The following ELMO1 variants were observed in gnomAD, a reference collection of about 807,000 sequenced individuals.
ELMO1 encodes the protein engulfment and cell motility 1.
A neutral mutation model predicts 98.9 loss-of-function variants in ELMO1; 26 were observed. That is an observed-to-expected ratio of 0.26 (90% CI 0.19 to 0.36). The LOEUF is 0.36. Among genes scored for constraint, ELMO1 ranks in the 10% least tolerant of loss-of-function variants. The pLI, the probability that ELMO1 is intolerant of heterozygous loss-of-function variation, is 1.00. For missense variants in ELMO1, 627 were observed against 935.2 expected (o/e 0.67, Z 4.30); for synonymous variants, 346 against 346.0 (o/e 1.00, Z 0.00).
intron 1 of ELMO1, among the ~76,000 whole-genome samples, chr7:37,433,624 C>A (rs1805023646): frequency 6.6e-6 from 1 of 152,144 alleles, no homozygotes. Context: ...CTTATGCTCA[C>A]TTGTAAGGGA....
intron 2 of ELMO1, among the ~76,000 whole-genome samples, chr7:37,328,981 G>C (rs1265864494): frequency 6.6e-6 from 1 of 152,116 alleles, no homozygotes; most frequent in Non-Finnish European, 1.5e-5. Context: ...CCTTCATATT[G>C]TTGTTTGTTT....
intron 1 of ELMO1, chr7:37,351,361 C>T (rs1048055353): frequency 4.6e-5 from 7 of 152,204 alleles, no homozygotes; most frequent in Non-Finnish European, 1.0e-4. Flanking sequence ...CGCCTGTAAT[C>T]CTAGCACTTT....
chr7:37,385,489 G>C (rs960503490), intron 1 of ELMO1, among the ~76,000 whole-genome samples: 1 of 152,202 alleles, frequency 6.6e-6, no homozygotes, highest in Admixed American at 6.5e-5. Flanking sequence ...CCTTAGAGAA[G>C]AGTGATTTGG....
intron 13 of ELMO1, among the ~76,000 whole-genome samples, chr7:37,196,337 C>G (rs536322603): frequency 6.9e-4 from 105 of 152,278 alleles, no homozygotes; most frequent in African/African-American, 2.4e-3. Flanking sequence ...TGAGCATTTG[C>G]GAAGGATTTA....
At chr7:37,251,506 G>C (rs1003267435) in intron 6 of ELMO1, among the ~76,000 whole-genome samples, 1 of 152,144 alleles carries the variant, frequency 6.6e-6, no homozygotes, top group African/African-American at 2.4e-5. Context: ...TAAAAGCCCA[G>C]CCTTGTTGTG....
At chr7:37,416,317 G>A (rs1372631186) in intron 1 of ELMO1, among the ~76,000 whole-genome samples, 2 of 152,144 alleles carry the variant, frequency 1.3e-5, no homozygotes, top group East Asian at 1.9e-4. Context: ...TTAACCGTAT[G>A]GAAAATTTTA....
intron 20 of ELMO1, among the ~76,000 whole-genome samples, chr7:36,866,862 G>GGAGGGCTTCTCTGGA (rs1351928762): frequency 6.6e-6 from 1 of 152,190 alleles, no homozygotes; most frequent in Non-Finnish European, 1.5e-5. Context: ...AAGTCCCAGA[G>GGAGGGCTTCTCTGGA]GTAGACAGGA....
chr7:37,029,582 C>T (rs755851431), intron 15 of ELMO1, among the ~76,000 whole-genome samples: 13 of 152,026 alleles, frequency 8.6e-5, no homozygotes, highest in Non-Finnish European at 1.6e-4. Flanking sequence ...AGGGTGTGCT[C>T]TCAGAATGTA....
chr7:36,884,364 T>C (rs530914924), intron 18 of ELMO1, among the ~76,000 whole-genome samples: 4 of 151,810 alleles, frequency 2.6e-5, no homozygotes, highest in Admixed American at 2.0e-4. Flanking sequence ...CTAAAATTAA[T>C]AGCAAACATC....
At chr7:36,882,097 G>A (rs2129047451) in intron 18 of ELMO1, among the ~76,000 whole-genome samples, 1 of 152,324 alleles carries the variant, frequency 6.6e-6, no homozygotes, top group Middle Eastern at 3.4e-3. Context: ...CAAACCCCGA[G>A]ACTGCCATGG....
chr7:36,906,136 G>A (rs1431106215), intron 16 of ELMO1, among the ~76,000 whole-genome samples: 1 of 152,200 alleles, frequency 6.6e-6, no homozygotes, highest in Non-Finnish European at 1.5e-5. Flanking sequence ...GAACTCAGAG[G>A]AAATCGAAGA....
At chr7:37,373,589 AT>A (rs1370062146) in intron 1 of ELMO1, among the ~76,000 whole-genome samples, 1 of 151,370 alleles carries the variant, frequency 6.6e-6, no homozygotes, top group Admixed American at 6.6e-5. Context: ...AGCCTGGATG[AT>A]AGAGCAAGAC....
intron 1 of ELMO1, among the ~76,000 whole-genome samples, chr7:37,421,669 T>C (rs1478736371): frequency 1.3e-5 from 2 of 152,210 alleles, no homozygotes; most frequent in African/African-American, 2.4e-5. Flanking sequence ...GGGCTGAATA[T>C]GCAGCACATG....
Position 36,887,582 on chromosome 7 carries a change from T to C in ELMO1, c.1692A>G (p.Lys564=). Residue 564 remains lysine (K), a synonymous_variant, in exon 18 of 22, where the codon AAA becomes AAG. Coordinates refer to ENST00000310758, the MANE Select transcript of ELMO1 (RefSeq NM_014800.11). ...NRLVEGTCFR[K]LNARRRQDKF... ...TACCTTGCCTCCGCCGGGCATTGAG[T>C]TTCCTAAAGCAGGTCCCTTCCACAA... The C allele has an allele frequency of 1.7e-5, 27 of 1,613,930 alleles. No individual in the cohort carries two copies. Among genetic ancestry groups the C allele is most frequent in the African/African-American group, 2.7e-5 (2 of 74,984 alleles).
chr7:37,101,361 G>A (rs1273202141), intron 14 of ELMO1, among the ~76,000 whole-genome samples: 4 of 152,152 alleles, frequency 2.6e-5, no homozygotes, highest in African/African-American at 4.8e-5. Context: ...ACAGAGAAAC[G>A]CCACACTTTG....
chr7:37,262,906 G>A (rs1205916733), intron 5 of ELMO1, among the ~76,000 whole-genome samples: 1 of 152,254 alleles, frequency 6.6e-6, no homozygotes, highest in East Asian at 1.9e-4. Flanking sequence ...CATGTTTAAG[G>A]TTCCCTTCCA....
chr7:37,031,859 T>C (rs892066205), intron 15 of ELMO1, among the ~76,000 whole-genome samples: 6 of 152,200 alleles, frequency 3.9e-5, no homozygotes, highest in East Asian at 1.9e-4. Flanking sequence ...ATATTCTTGA[T>C]AGTGACAGTT....
intron 1 of ELMO1, among the ~76,000 whole-genome samples, chr7:37,432,857 G>A (rs146657803): frequency 7.2e-5 from 11 of 152,356 alleles, no homozygotes; most frequent in Admixed American, 4.6e-4. Context: ...GTCTTCAAAT[G>A]TCTATGCCCT....
At chr7:37,434,085 A>G (rs982718519) in intron 1 of ELMO1, among the ~76,000 whole-genome samples, 4 of 152,166 alleles carry the variant, frequency 2.6e-5, no homozygotes, top group African/African-American at 9.7e-5. Context: ...AAGTAACTCA[A>G]AGGATTTAGA....
Sources: allele counts gnomAD v4.1 joint callset (sites outside exome capture counted in the v4.1 genomes callset), GRCh38; gene constraint gnomAD v4.1.1; transcripts MANE v1.5; gene names NCBI Gene and HGNC (gene_info 2026-07-23, HGNC 2026-07-21).